The following MPHOSPH9 variants were observed in gnomAD, a reference collection of about 807,000 sequenced individuals.
MPHOSPH9 encodes the protein M-phase phosphoprotein 9.
A neutral mutation model predicts 145.5 loss-of-function variants in MPHOSPH9; 88 were observed. That is an observed-to-expected ratio of 0.60 (90% confidence interval 0.51 to 0.72). The LOEUF (loss-of-function observed/expected upper bound fraction) is 0.72. Among genes scored for constraint, MPHOSPH9 ranks in the 30% least tolerant of loss-of-function variants. MPHOSPH9 has a pLI of 0.00. For missense variants in MPHOSPH9, 1,238 were observed against 1,386.6 expected, an observed-to-expected ratio of 0.89 and a Z score of 1.70; for synonymous variants, 435 against 486.2, an observed-to-expected ratio of 0.89 and a Z score of 1.39.
In MPHOSPH9 at chr12:123,201,033, G is replaced by A. The variant is rs555659658; in HGVS notation, c.1937+1131C>T. Among the ~76,000 whole-genome samples, 118 of 152,138 alleles carry A rather than the reference G, an allele frequency of 7.8e-4. 1 individual carries two copies. The highest frequency in any genetic ancestry group is 1.2e-3 in the African/African-American group (51 of 41,532). On this transcript the variant is annotated intron_variant, in intron 11 of 23. Coordinates refer to ENST00000606320, the MANE Select transcript of MPHOSPH9 (RefSeq NM_022782.4). ...TAACCTGCTATCTACTGTTTGTGTC[G>A]TAAAAAACCTAAACCTGTCTCTTTT...
chr12:123,207,069 T>G (rs2046466612), intron 8 of MPHOSPH9, among the ~76,000 whole-genome samples: 1 of 149,226 alleles, frequency 6.7e-6, no homozygotes, highest in Admixed American at 6.7e-5. Context: ...AAAAAAAAAG[T>G]TACTGATACA....
chr12:123,230,446 C>A lies in MPHOSPH9; in HGVS notation c.-82G>T. ...GAGAAAAATGAATCCGTGTCATCTT[C>A]AGAGGCTTCATCATCTACTGGCATT... On this transcript the variant is annotated 5_prime_UTR_variant, in exon 2 of 24. The change creates a premature stop within an existing upstream ORF in the 5' untranslated region. Transcript: ENST00000606320. 1 of 723,932 alleles carries A rather than the reference C, an allele frequency of 1.4e-6. No homozygotes were observed. Among genetic ancestry groups the A allele is most frequent in the Non-Finnish European group, 2.2e-6 (1 of 465,026 alleles). 44.8% of individuals were successfully genotyped at this position (723,932 alleles called of 1,614,324 possible). A position where few individuals can be genotyped will look rare whatever the true frequency, so the allele number is the denominator to read the frequency against.
At chr12:123,197,191 A>T (rs957889388) in intron 12 of MPHOSPH9, among the ~76,000 whole-genome samples, 15 of 150,776 alleles carry the variant, frequency 9.9e-5, no homozygotes, top group South Asian at 2.1e-4. Context: ...TTAAAAAAAA[A>T]TTTTTTTTTG....
chr12:123,167,487 A>G (rs1230149807), intron 16 of MPHOSPH9, among the ~76,000 whole-genome samples: 2 of 152,086 alleles, frequency 1.3e-5, no homozygotes, highest in Non-Finnish European at 2.9e-5. Context: ...TCCACCACTG[A>G]GCTAATGCTA....
chr12:123,236,962 G>A (rs1186636341), upstream of MPHOSPH9, among the ~76,000 whole-genome samples: 1 of 152,150 alleles, frequency 6.6e-6, no homozygotes, highest in East Asian at 1.9e-4. Flanking sequence ...GCATGCGCCT[G>A]TAGTCCCAGC....
At chr12:123,226,098 A>G (rs1031287876) in intron 3 of MPHOSPH9, among the ~76,000 whole-genome samples, 3 of 152,234 alleles carry the variant, frequency 2.0e-5, no homozygotes, top group Non-Finnish European at 4.4e-5. Flanking sequence ...AGCATTTAAT[A>G]TACTTAATAA....
intron 13 of MPHOSPH9, among the ~76,000 whole-genome samples, chr12:123,193,650 T>A (rs565952050): frequency 2.0e-5 from 3 of 152,060 alleles, no homozygotes; most frequent in African/African-American, 7.2e-5. Flanking sequence ...TAGAAAAAAA[T>A]AAGCAACCTG....
In MPHOSPH9 at chr12:123,203,266, G is replaced by A. The variant is rs1297009077; in HGVS notation, c.1304C>T (p.Pro435Leu). 6.2e-7 allele frequency: 1 copy of A among 1,613,588 alleles called. No individual in the cohort carries two copies. Among genetic ancestry groups the A allele is most frequent in the Middle Eastern group, 1.6e-4 (1 of 6,062 alleles). The stretch of plus-strand genomic sequence containing the variant: ...CAACTTTACCTCTGGTGGATGATTT[G>A]GGTTGGAAGCAGAAGTGAGATTCCT... The part of the protein sequence containing the change: ...PERNLTSASN[P>L]NHPPEVLTLD... Residue 435 changes from proline to leucine, a missense_variant, in exon 9 of 24, where the codon CCA becomes CTA. This residue lies in a region of MPHOSPH9 where 837 missense variants were observed against 897.5 expected (regional missense o/e 0.93). Coordinates refer to ENST00000606320, the MANE Select transcript of MPHOSPH9 (RefSeq NM_022782.4).
chr12:123,163,054 A>G lies in MPHOSPH9; in HGVS notation c.2989T>C (p.Phe997Leu). Residue 997 changes from phenylalanine to leucine, a missense_variant, in exon 20 of 24, where the codon TTT (phenylalanine) becomes CTT (leucine). By Grantham distance (22) the Phe-to-Leu change is conservative. Coordinates refer to ENST00000606320, the MANE Select transcript of MPHOSPH9 (RefSeq NM_022782.4). ...TCATTTTTGCTAAGCAGATGACTAA[A>G]TCCTGGGGACAAGTTTTCTTTAGGG... ...RSPKENLSPG[F>L]SHLLSKNESS... The G allele has an allele frequency of 6.3e-7, 1 of 1,597,196 alleles. No homozygotes were observed. Among genetic ancestry groups the G allele is most frequent in the Non-Finnish European group, 8.5e-7 (1 of 1,175,292 alleles).
downstream of MPHOSPH9, chr12:123,152,405 C>T (rs943778265): frequency 2.3e-5 from 8 of 351,732 alleles, no homozygotes; most frequent in Non-Finnish European, 4.0e-5. Context: ...TACAGCTTCA[C>T]GACTCCAGCA....
intron 8 of MPHOSPH9, among the ~76,000 whole-genome samples, chr12:123,204,594 G>A (rs1282766064): frequency 6.6e-6 from 1 of 152,178 alleles, no homozygotes; most frequent in Non-Finnish European, 1.5e-5. Context: ...ATGACCCTAG[G>A]CTGGACACGG....
chr12:123,166,511 C>G (rs893142657), intron 17 of MPHOSPH9, 144 bp downstream of exon 17: 7 of 915,846 alleles, frequency 7.6e-6, no homozygotes, highest in African/African-American at 5.0e-5. Context: ...AAAGTAGTAG[C>G]CTTTCAAAGT....
chr12:123,195,314 CAGT>C (rs35106189), intron 12 of MPHOSPH9, among the ~76,000 whole-genome samples: 23,135 of 152,012 alleles, frequency 0.15, 5,317 homozygotes, highest in African/African-American at 0.5. Flanking sequence ...TGGCCAGGCA[CAGT>C]AGCTCACGCC....
intron 17 of MPHOSPH9, 22 bp from the exon 18 acceptor site, chr12:123,165,499 A>C (rs979521171): frequency 3.7e-6 from 6 of 1,604,092 alleles, no homozygotes; most frequent in East Asian, 2.2e-5. Context: ...ATTTTAAGAC[A>C]TACAGTGCTA....
intron 6 of MPHOSPH9, among the ~76,000 whole-genome samples, chr12:123,216,849 C>A (rs568033740): frequency 1.3e-5 from 2 of 151,800 alleles, no homozygotes; most frequent in Admixed American, 6.6e-5. Context: ...ATAAGCCAGG[C>A]GTGGTGGCAC....
chr12:123,228,558 CGTGCCTGTA>C (rs1314106966), intron 2 of MPHOSPH9, among the ~76,000 whole-genome samples: 10 of 151,976 alleles, frequency 6.6e-5, no homozygotes, highest in Admixed American at 2.6e-4. Flanking sequence ...TGTGGTAGTG[CGTGCCTGTA>C]GTCCCAGCCA....
rs4044136 is a variant in MPHOSPH9, at chr12:123,193,108, TACACACACACACACAC to T, written c.2241+1262_2241+1277del. On this transcript the variant is annotated intron_variant, in intron 13 of 23. Coordinates refer to ENST00000606320, the MANE Select transcript of MPHOSPH9 (RefSeq NM_022782.4). ...AAAAAAAAAAAAAAATATATATATA[TACACACACACACACAC>T]ACACACACACACACACACACACACA... Among the ~76,000 whole-genome samples the T allele has an allele frequency of 8.4e-5, 8 of 94,894 alleles. No individual in the cohort carries two copies. In the East Asian group the frequency reaches 1.7e-3, roughly 20 times the overall value. 62.3% of individuals were successfully genotyped at this position (94,894 alleles called of 152,430 possible).
chr12:123,212,659 C>T (rs1021310782), intron 7 of MPHOSPH9, among the ~76,000 whole-genome samples: 2 of 140,470 alleles, frequency 1.4e-5, no homozygotes, highest in African/African-American at 2.7e-5. Flanking sequence ...TACAGTAAGC[C>T]GAGATCACAC....
At chr12:123,198,427 A>C (rs2138307098) in intron 11 of MPHOSPH9, 93 bp from the exon 12 acceptor site, 9 of 1,005,290 alleles carry the variant, frequency 9.0e-6, no homozygotes, top group Admixed American at 2.5e-5. Flanking sequence ...TATATAACAT[A>C]AGACAAATTC....
Sources: gnomAD v4.1 joint callset for allele counts (sites outside exome capture counted in the v4.1 genomes callset) on GRCh38, gnomAD v4.1.1 for gene constraint, gnomAD v4.1.1 regional missense constraint, MANE v1.5 for transcripts, NCBI Gene and HGNC (gene_info 2026-07-23, HGNC 2026-07-21) for gene names.